The following PLXNA2 variants were observed in gnomAD, a reference collection of about 807,000 sequenced individuals.
The protein encoded by PLXNA2 is plexin-A2.
Under a neutral mutation model 193.5 loss-of-function variants are expected in PLXNA2, and 91 were observed. The ratio of observed to expected loss-of-function variants is 0.47; its 90% confidence interval spans 0.40 to 0.56. The LOEUF (loss-of-function observed/expected upper bound fraction) is 0.56. PLXNA2 is among the 20% of genes least tolerant of loss of function. PLXNA2 has a pLI of 0.00. For synonymous variants in PLXNA2, 997 were observed against 1,027.3 expected, an observed-to-expected ratio of 0.97 and a Z score of 0.56; for missense variants, 1,995 against 2,503.2, an observed-to-expected ratio of 0.80 and a Z score of 4.33.
intron 3 of PLXNA2, among the ~76,000 whole-genome samples, chr1:208,157,093 AT>A (rs1370179468): frequency 6.6e-6 from 1 of 152,208 alleles, no homozygotes; most frequent in African/African-American, 2.4e-5. Flanking sequence ...ATGATAAATA[AT>A]TTACAGAATG....
intron 4 of PLXNA2, among the ~76,000 whole-genome samples, chr1:208,116,775 AG>A (rs1185617198): frequency 6.6e-6 from 1 of 152,218 alleles, no homozygotes; most frequent in Non-Finnish European, 1.5e-5. Context: ...TCTAAGGTAA[AG>A]TGCAGACTGC....
chr1:208,082,400 G>A lies in PLXNA2; in HGVS notation c.2395+12C>T. 6.2e-7 allele frequency: 1 copy of A among 1,610,306 alleles called. No individual in the cohort carries two copies. Among genetic ancestry groups the A allele is most frequent in the African/African-American group, 1.3e-5 (1 of 74,962 alleles). ...GAAAAGATCAAACTTCTACCCGGAA[G>A]TAGCCGCTTACCTTTCAGGTCCTGA... On this transcript the variant is annotated intron_variant, in intron 11 of 31. Coordinates refer to ENST00000367033, the MANE Select transcript of PLXNA2 (RefSeq NM_025179.4). This position sits in a 1 kb window ranked among gnomAD's most constrained non-coding sequence, Gnocchi z 4.2.
Position 208,038,120 on chromosome 1 carries a change from A to T in PLXNA2, c.4764+251T>A, listed in dbSNP as rs1394330419. ...CAAATGTAGAGGTACACAGAATAGA[A>T]ATGCCTAGGCCTTACCCCAGACCTG... On this transcript the variant is annotated intron_variant, in intron 26 of 31. Coordinates refer to ENST00000367033, the MANE Select transcript of PLXNA2 (RefSeq NM_025179.4). This position sits in a 1 kb window ranked among gnomAD's most constrained non-coding sequence, Gnocchi z 4.1. Among the ~76,000 whole-genome samples, 1 of 152,154 alleles carries T rather than the reference A, an allele frequency of 6.6e-6. No homozygotes were observed. The highest frequency in any genetic ancestry group is 1.5e-5 in the Non-Finnish European group (1 of 68,026).
intron 5 of PLXNA2, among the ~76,000 whole-genome samples, chr1:208,102,404 TC>T (rs780564800): frequency 6.6e-6 from 1 of 152,256 alleles, no homozygotes; most frequent in Non-Finnish European, 1.5e-5. Context: ...CCCTTTCTCT[TC>T]CCCTGGGGCT....
At chr1:208,058,116 G>A (rs1665499667) in intron 13 of PLXNA2, among the ~76,000 whole-genome samples, 1 of 152,158 alleles carries the variant, frequency 6.6e-6, no homozygotes, top group Non-Finnish European at 1.5e-5. Context: ...CCCTGGGGCG[G>A]AAGCACACAC....
At chr1:208,120,630 C>T (rs1259081104) in intron 4 of PLXNA2, among the ~76,000 whole-genome samples, 1 of 152,210 alleles carries the variant, frequency 6.6e-6, no homozygotes, top group Non-Finnish European at 1.5e-5. Flanking sequence ...GTTTCAGCCC[C>T]TACTTGCCCC....
intron 3 of PLXNA2, among the ~76,000 whole-genome samples, chr1:208,197,548 A>C (rs1281782148): frequency 1.3e-5 from 2 of 152,062 alleles, no homozygotes; most frequent in Admixed American, 1.3e-4. Flanking sequence ...CTGGATGGGG[A>C]CCCTTGGAAT....
intron 4 of PLXNA2, among the ~76,000 whole-genome samples, chr1:208,123,664 A>G (rs916081652): frequency 2.0e-5 from 3 of 152,166 alleles, no homozygotes; most frequent in African/African-American, 2.4e-5. Context: ...AATTTTTACA[A>G]TGTAAAAGAA....
chr1:208,162,644 CATA>C (rs1180063821), intron 3 of PLXNA2, among the ~76,000 whole-genome samples: 2 of 152,142 alleles, frequency 1.3e-5, no homozygotes, highest in Non-Finnish European at 2.9e-5. Flanking sequence ...ATGAAATAAA[CATA>C]ATAACAAACA....
intron 3 of PLXNA2, among the ~76,000 whole-genome samples, chr1:208,205,283 T>C (rs1298157840): frequency 6.6e-6 from 1 of 152,236 alleles, no homozygotes; most frequent in Non-Finnish European, 1.5e-5. Flanking sequence ...GTGTTTGCAC[T>C]TAATCTCTAT....
At chr1:208,084,303 G>A (rs1379433490) in intron 10 of PLXNA2, 77 bp downstream of exon 10, 36 of 1,477,882 alleles carry the variant, frequency 2.4e-5, no homozygotes, top group Non-Finnish European at 3.4e-5. Flanking sequence ...GGAAGCCAGG[G>A]CTGGCCATAC....
intron 1 of PLXNA2, among the ~76,000 whole-genome samples, chr1:208,229,394 T>C (rs935309166): frequency 6.6e-6 from 1 of 152,174 alleles, no homozygotes; most frequent in Admixed American, 6.5e-5. Flanking sequence ...GCATGATAAC[T>C]TTCACTCAGT....
intron 4 of PLXNA2, among the ~76,000 whole-genome samples, chr1:208,120,835 CAG>C (rs1558202750): frequency 6.6e-6 from 1 of 152,008 alleles, no homozygotes; most frequent in Non-Finnish European, 1.5e-5. Flanking sequence ...TCAGAGGGTG[CAG>C]AGAGATGGGA....
At chr1:208,069,579 G>C (rs1301766442) in intron 12 of PLXNA2, among the ~76,000 whole-genome samples, 3 of 152,206 alleles carry the variant, frequency 2.0e-5, no homozygotes, top group Admixed American at 1.3e-4. Context: ...GGAAGGCCCA[G>C]GGGCTTGGCA....
Position 208,155,086 on chromosome 1 carries a change from G to A in PLXNA2, c.1372-12623C>T, listed in dbSNP as rs199647919. Among the ~76,000 whole-genome samples the A allele has an allele frequency of 1.6e-4, 25 of 152,166 alleles. No homozygotes were observed. The East Asian group carries it at 4.2e-3, about 26-fold the overall frequency. ...GTCCTTTCCAAGGGAGCAGGACTGC[G>A]GGGAGGAGGAGCGGGAGGCAGCAGA... is the stretch of plus-strand genomic sequence containing the variant. On this transcript the variant is annotated intron_variant, in intron 3 of 31. Coordinates refer to ENST00000367033, the MANE Select transcript of PLXNA2 (RefSeq NM_025179.4).
intron 3 of PLXNA2, among the ~76,000 whole-genome samples, chr1:208,190,770 A>T (rs1383377981): frequency 1.3e-5 from 2 of 152,228 alleles, no homozygotes; most frequent in East Asian, 1.9e-4. Context: ...TATTAGCAAC[A>T]AGTAATATGT....
intron 12 of PLXNA2, 65 bp from the exon 13 acceptor site, chr1:208,060,902 C>A: frequency 6.6e-7 from 1 of 1,504,168 alleles, no homozygotes; most frequent in Non-Finnish European, 9.1e-7. Context: ...CAGCACCCTT[C>A]CCCCTCCCCC....
intron 12 of PLXNA2, among the ~76,000 whole-genome samples, chr1:208,071,807 T>G (rs1571884327): frequency 6.6e-6 from 1 of 152,244 alleles, no homozygotes; most frequent in African/African-American, 2.4e-5. Flanking sequence ...CCGGCTTGTT[T>G]CTCAGGAAAG....
intron 3 of PLXNA2, among the ~76,000 whole-genome samples, chr1:208,169,380 C>G (rs1558226728): frequency 6.6e-6 from 1 of 152,300 alleles, no homozygotes; most frequent in East Asian, 1.9e-4. Context: ...GGACCATCAG[C>G]CTTGTCTGTG....
Sources: allele counts gnomAD v4.1 joint callset (sites outside exome capture counted in the v4.1 genomes callset), GRCh38; gene constraint gnomAD v4.1.1; non-coding constraint Gnocchi (gnomAD v3.1); transcripts MANE v1.5; gene names NCBI Gene and HGNC (gene_info 2026-07-23, HGNC 2026-07-21).